PCAT7: variants seen among roughly 807,000 people sequenced by gnomAD.
PCAT7 encodes prostate cancer associated transcript 7.
At chr9:94,556,363 G>A (rs796311607) in intron 1 of PCAT7, among the ~76,000 whole-genome samples, 1 of 152,120 alleles carries the variant, frequency 6.6e-6, no homozygotes, top group African/African-American at 2.4e-5. Context: ...AGCGTGGTGA[G>A]CGGGAGAGTA....
At chr9:94,561,393 C>A (rs1482766344) in intron 2 of PCAT7, among the ~76,000 whole-genome samples, 3 of 110,268 alleles carry the variant, frequency 2.7e-5, no homozygotes, top group African/African-American at 1.0e-4. Flanking sequence ...GATGGAATCT[C>A]ACTCTGTCAC....
At chr9:94,557,838 CAG>C (rs904743667) in intron 1 of PCAT7, among the ~76,000 whole-genome samples, 2 of 152,192 alleles carry the variant, frequency 1.3e-5, no homozygotes, top group African/African-American at 4.8e-5. Context: ...CATAGATATT[CAG>C]AGCAATTCTT....
chr9:94,562,954 A>G (rs149830447), intron 2 of PCAT7, among the ~76,000 whole-genome samples: 152 of 152,274 alleles, frequency 1.0e-3, no homozygotes, highest in East Asian at 1.5e-3. Flanking sequence ...GTTTACATGC[A>G]TTTGTTCTGG....
chr9:94,562,591 GAGAC>G (rs1426294142), intron 2 of PCAT7, among the ~76,000 whole-genome samples: 5 of 152,186 alleles, frequency 3.3e-5, no homozygotes, highest in African/African-American at 1.2e-4. Context: ...GTGACTCTGA[GAGAC>G]AGAAAAATGT....
chr9:94,569,138 C>T (rs976987447), intron 2 of PCAT7: 1 of 152,210 alleles, frequency 6.6e-6, no homozygotes, highest in Non-Finnish European at 1.5e-5. Flanking sequence ...GGATGCCAGT[C>T]TAGGAAGACT....
At chr9:94,571,036 T>C (rs1827263363) in intron 2 of PCAT7, 1 of 155,834 alleles carries the variant, frequency 6.4e-6, no homozygotes, top group African/African-American at 2.4e-5. Flanking sequence ...TGGCAAAGCA[T>C]TTCACAATTG....
At chr9:94,565,852 G>C (rs185846569) in intron 2 of PCAT7, among the ~76,000 whole-genome samples, 3 of 152,296 alleles carry the variant, frequency 2.0e-5, no homozygotes, top group African/African-American at 7.2e-5. Flanking sequence ...ATAGATGCTC[G>C]TAACTTGGGG....
chr9:94,571,816 C>G (rs975167817), intron 2 of PCAT7, among the ~76,000 whole-genome samples: 1 of 152,222 alleles, frequency 6.6e-6, no homozygotes, highest in African/African-American at 2.4e-5. Context: ...CTTCTTCCTT[C>G]CTGTTTTCCA....
At chr9:94,556,563 G>C (rs977971714) in intron 1 of PCAT7, among the ~76,000 whole-genome samples, 2 of 152,190 alleles carry the variant, frequency 1.3e-5, no homozygotes, top group Non-Finnish European at 1.5e-5. Flanking sequence ...CTTTTGAGTA[G>C]TTTGAATTCT....
intron 2 of PCAT7, among the ~76,000 whole-genome samples, chr9:94,564,559 A>C (rs1827158068): frequency 6.6e-6 from 1 of 152,198 alleles, no homozygotes; most frequent in Non-Finnish European, 1.5e-5. Context: ...CTAACACGGA[A>C]ATAGGAAACC....
At chr9:94,558,639 G>A in intron 1 of PCAT7, 1 of 352,956 alleles carries the variant, frequency 2.8e-6, no homozygotes, top group Non-Finnish European at 5.3e-6. Context: ...CAAGCATGCA[G>A]CCGCCAATTA....
exon 2 of PCAT7, chr9:94,559,034 G>T (rs972780242): frequency 1.2e-6 from 2 of 1,614,034 alleles, no homozygotes; most frequent in Non-Finnish European, 1.7e-6. Context: ...GAATTGCCTC[G>T]GGCTTCACGT....
At chr9:94,565,877 C>T (rs1282074507) in intron 2 of PCAT7, among the ~76,000 whole-genome samples, 2 of 152,020 alleles carry the variant, frequency 1.3e-5, no homozygotes, top group African/African-American at 4.8e-5. Flanking sequence ...AGAGCAAGGG[C>T]CTCTGAAGGT....
At chr9:94,567,488 G>C in intron 2 of PCAT7, 1 of 1,535,132 alleles carries the variant, frequency 6.5e-7, no homozygotes, top group Non-Finnish European at 8.9e-7. Context: ...ATCAGAGCAG[G>C]AGAAGATGGG....
intron 1 of PCAT7, among the ~76,000 whole-genome samples, chr9:94,557,047 GTCTCATTCGTTCA>G (rs1827022928): frequency 6.6e-6 from 1 of 152,146 alleles, no homozygotes. Context: ...ATGTCTGTCT[GTCTCATTCGTTCA>G]TCTCTCTGTC....
At chr9:94,556,300 G>A (rs1430178562) in intron 1 of PCAT7, among the ~76,000 whole-genome samples, 2 of 151,712 alleles carry the variant, frequency 1.3e-5, no homozygotes, top group Non-Finnish European at 2.9e-5. Context: ...GGGAAAATAC[G>A]GTGGGAAAAA....
chr9:94,559,108 G>T, exon 2 of PCAT7: 1 of 1,613,266 alleles, frequency 6.2e-7, no homozygotes. Flanking sequence ...TAGGCCACGG[G>T]ATTGCATTCA....
chr9:94,561,519 C>G (rs575592133), intron 2 of PCAT7, among the ~76,000 whole-genome samples: 1 of 152,034 alleles, frequency 6.6e-6, no homozygotes, highest in Non-Finnish European at 1.5e-5. Flanking sequence ...CATGCCACCA[C>G]GCCTGGCTAA....
At chr9:94,568,986 C>G (rs562570908) in intron 2 of PCAT7, 6 of 152,368 alleles carry the variant, frequency 3.9e-5, no homozygotes, top group African/African-American at 1.4e-4. Flanking sequence ...GCAGTGCCTG[C>G]TAAATCTAAC....
Sources: allele counts gnomAD v4.1 joint callset (sites outside exome capture counted in the v4.1 genomes callset), GRCh38; gene constraint gnomAD v4.1.1; transcripts MANE v1.5; gene names NCBI Gene and HGNC (gene_info 2026-07-23, HGNC 2026-07-21).